SEMA4D: variants seen among roughly 807,000 people sequenced by gnomAD.
The protein encoded by SEMA4D is semaphorin-4D.
Under a neutral mutation model 74.8 loss-of-function variants are expected in SEMA4D, and 22 were observed. The observed-to-expected ratio is 0.29, with a 90% CI of 0.21 to 0.42. The LOEUF is 0.42. Among genes scored for constraint, SEMA4D ranks in the 10% least tolerant of loss-of-function variants. The probability of loss-of-function intolerance (pLI) is 1.00; values close to 1 mark genes in which losing one functional copy is unlikely to be tolerated. For missense variants in SEMA4D, 937 were observed against 1,118.4 expected (o/e 0.84, Z 2.31); for synonymous variants, 445 against 463.7 (o/e 0.96, Z 0.52).
At chr9:89,434,645 G>A (rs1047606259) in intron 2 of SEMA4D, among the ~76,000 whole-genome samples, 2 of 152,172 alleles carry the variant, frequency 1.3e-5, no homozygotes, top group Non-Finnish European at 2.9e-5. Context: ...GAAAATCCAG[G>A]AGAATTTTCC....
chr9:89,459,523 A>G (rs969822981), intron 1 of SEMA4D, among the ~76,000 whole-genome samples: 1 of 152,202 alleles, frequency 6.6e-6, no homozygotes, highest in African/African-American at 2.4e-5. Flanking sequence ...GAAACAGCCT[A>G]CAAGGGTGTT....
At chr9:89,460,882 T>G (rs1433361347) in intron 1 of SEMA4D, among the ~76,000 whole-genome samples, 2 of 152,152 alleles carry the variant, frequency 1.3e-5, no homozygotes, top group African/African-American at 4.8e-5. Flanking sequence ...AAATGACACC[T>G]AGCCTCATAT....
chr9:89,452,460 G>A (rs992016080), intron 2 of SEMA4D, among the ~76,000 whole-genome samples: 8 of 151,924 alleles, frequency 5.3e-5, no homozygotes, highest in African/African-American at 1.9e-4. Context: ...TTACAGGTGT[G>A]AGCCACCGCA....
At chr9:89,401,908 A>G (rs959377817) in intron 4 of SEMA4D, among the ~76,000 whole-genome samples, 3 of 152,124 alleles carry the variant, frequency 2.0e-5, no homozygotes, top group Non-Finnish European at 4.4e-5. Context: ...TGAGAAGAGC[A>G]TCTAGACTTC....
chr9:89,470,639 G>A (rs557641578), intron 1 of SEMA4D, among the ~76,000 whole-genome samples: 92 of 152,126 alleles, frequency 6.0e-4, no homozygotes, highest in African/African-American at 2.1e-3. Context: ...AAATGAAACC[G>A]CATGTTCATA....
At chr9:89,445,434 G>A (rs55943400) in intron 2 of SEMA4D, among the ~76,000 whole-genome samples, 32,435 of 152,182 alleles carry the variant, frequency 0.21, 3,674 homozygotes, top group Non-Finnish European at 0.25. Context: ...AGAATTCTGA[G>A]ATCAGTTTCA....
chr9:89,419,193 C>T (rs977565379), intron 2 of SEMA4D, among the ~76,000 whole-genome samples: 1 of 152,164 alleles, frequency 6.6e-6, no homozygotes, highest in African/African-American at 2.4e-5. Flanking sequence ...GAAACGATCA[C>T]GATTCATCAG....
At chr9:89,473,542 G>A (rs919358516) in intron 1 of SEMA4D, among the ~76,000 whole-genome samples, 8 of 151,950 alleles carry the variant, frequency 5.3e-5, no homozygotes, top group Non-Finnish European at 1.2e-4. Context: ...AATCAGCCTG[G>A]GTGACAGAAT....
intron 15 of SEMA4D, among the ~76,000 whole-genome samples, chr9:89,379,858 C>T (rs562312786): frequency 2.0e-5 from 3 of 152,150 alleles, no homozygotes; most frequent in Admixed American, 6.5e-5. Context: ...CAGCAGAAAT[C>T]CCATTTCTCA....
intron 2 of SEMA4D, among the ~76,000 whole-genome samples, chr9:89,435,808 G>C (rs538638736): frequency 2.0e-5 from 3 of 152,324 alleles, no homozygotes; most frequent in South Asian, 4.1e-4. Context: ...TTGCATGTCC[G>C]GCCTTTCCTT....
chr9:89,449,232 T>C (rs903668176), intron 2 of SEMA4D, among the ~76,000 whole-genome samples: 2 of 152,096 alleles, frequency 1.3e-5, no homozygotes, highest in Admixed American at 6.5e-5. Context: ...AAATGCAAAA[T>C]AATAGCACTT....
chr9:89,486,084 C>T, intron 1 of SEMA4D, among the ~76,000 whole-genome samples: 1 of 152,220 alleles, frequency 6.6e-6, no homozygotes. Context: ...ATCTAGCATT[C>T]TTGTCCCATA....
chr9:89,422,088 T>G (rs1481593795), intron 2 of SEMA4D, among the ~76,000 whole-genome samples: 1 of 152,194 alleles, frequency 6.6e-6, no homozygotes, highest in Non-Finnish European at 1.5e-5. Flanking sequence ...TTGCTGACGA[T>G]CTCTAAAAAG....
intron 1 of SEMA4D, among the ~76,000 whole-genome samples, chr9:89,458,445 C>T (rs1332031685): frequency 6.6e-6 from 1 of 152,096 alleles, no homozygotes; most frequent in East Asian, 1.9e-4. Context: ...TGGCTGGTCA[C>T]ACAGTTCCCT....
intron 2 of SEMA4D, among the ~76,000 whole-genome samples, chr9:89,428,590 GGTC>G (rs1848595136): frequency 6.2e-5 from 1 of 16,168 alleles, no homozygotes; most frequent in Non-Finnish European, 1.6e-4. Context: ...GCCTGCTCAA[GGTC>G]ACGGAGCCTG....
At chr9:89,396,471 C>T (rs1239706463) in intron 6 of SEMA4D, among the ~76,000 whole-genome samples, 4 of 152,214 alleles carry the variant, frequency 2.6e-5, no homozygotes, top group Non-Finnish European at 4.4e-5. Flanking sequence ...GCACCAAGGG[C>T]TCCCAGCACC....
At chr9:89,449,582 G>T in intron 2 of SEMA4D, 1 of 860,386 alleles carries the variant, frequency 1.2e-6, no homozygotes, top group South Asian at 1.3e-5. Flanking sequence ...CGAGCAGCAG[G>T]AGCAAACTAT....
At chr9:89,392,596 C>CA (rs1248414263) in intron 7 of SEMA4D, 60 bp from the exon 8 acceptor site, 2 of 1,023,722 alleles carry the variant, frequency 2.0e-6, no homozygotes, top group East Asian at 4.8e-5. Flanking sequence ...ATGGCACCAA[C>CA]ACTGGGACAA....
Position 89,379,115 on chromosome 9 carries a change from C to G in SEMA4D, c.2178G>C (p.Met726Ile). Residue 726 changes from methionine to isoleucine, a missense_variant, in exon 16 of 16, where the codon ATG becomes ATC. Transcript: ENST00000422704. ...TVPQLHSEKT[M>I]YLKSSDNRLL... ...GGCGGTTGTCGCTGGACTTAAGATA[C>G]ATGGTTTTCTCCGAGTGGAGCTGGG... The G allele has an allele frequency of 1.2e-6, 2 of 1,614,142 alleles. No homozygotes were observed. Among genetic ancestry groups the G allele is most frequent in the Non-Finnish European group, 8.5e-7 (1 of 1,180,022 alleles).
Sources: allele counts gnomAD v4.1 joint callset (sites outside exome capture counted in the v4.1 genomes callset), GRCh38; gene constraint gnomAD v4.1.1; transcripts MANE v1.5; gene names NCBI Gene and HGNC (gene_info 2026-07-23, HGNC 2026-07-21).